GRIN3A: variants seen among roughly 807,000 people sequenced by gnomAD.
The protein encoded by GRIN3A is glutamate receptor ionotropic, NMDA 3A.
In GRIN3A, 47 loss-of-function variants were observed where a neutral mutation model predicts 92.4. The ratio of observed to expected loss-of-function variants is 0.51; its 90% CI spans 0.40 to 0.65. The LOEUF (loss-of-function observed/expected upper bound fraction) is 0.65, where lower values mean the gene tolerates loss of function less well. Among genes scored for constraint, GRIN3A ranks in the 30% least tolerant of loss-of-function variants. GRIN3A has a pLI of 0.00. For missense variants in GRIN3A, 1,324 were observed against 1,393.1 expected (o/e 0.95, Z 0.79); for synonymous variants, 527 against 540.6 (o/e 0.97, Z 0.35).
chr9:101,677,610 C>T (rs936875985), intron 2 of GRIN3A, among the ~76,000 whole-genome samples: 22 of 152,058 alleles, frequency 1.4e-4, no homozygotes, highest in Non-Finnish European at 1.9e-4. Context: ...CCTTTTCTTA[C>T]GGCCCTAGGG....
chr9:101,602,872 A>G (rs1304053308), intron 6 of GRIN3A: 1 of 152,212 alleles, frequency 6.6e-6, no homozygotes, highest in Non-Finnish European at 1.5e-5. Flanking sequence ...AAACAAGACC[A>G]GAGAATTGTA....
chr9:101,694,508 T>C (rs958988081), intron 1 of GRIN3A, among the ~76,000 whole-genome samples: 2 of 152,042 alleles, frequency 1.3e-5, no homozygotes, highest in Admixed American at 6.6e-5. Context: ...TAATTATTGA[T>C]ACCCAACTCA....
intron 3 of GRIN3A, among the ~76,000 whole-genome samples, chr9:101,633,813 G>A (rs1049674851): frequency 6.6e-6 from 1 of 152,060 alleles, no homozygotes; most frequent in Non-Finnish European, 1.5e-5. Context: ...GGGGACTGCT[G>A]CTTTATAGCA....
intron 1 of GRIN3A, among the ~76,000 whole-genome samples, chr9:101,706,058 C>T: frequency 6.6e-6 from 1 of 151,790 alleles, no homozygotes; most frequent in East Asian, 1.9e-4. Context: ...GTTCCATGGA[C>T]CTAAAGTAAG....
chr9:101,732,224 T>C (rs750725033), intron 1 of GRIN3A, among the ~76,000 whole-genome samples: 2 of 152,216 alleles, frequency 1.3e-5, no homozygotes, highest in Non-Finnish European at 2.9e-5. Context: ...AACACACTGC[T>C]TTCCTTATCA....
At chr9:101,669,982 G>A in intron 3 of GRIN3A, 78 bp downstream of exon 3, 3 of 1,090,136 alleles carry the variant, frequency 2.8e-6, no homozygotes, top group Non-Finnish European at 2.8e-6. Context: ...GGAAGAACAT[G>A]AGCATACTAC....
intron 4 of GRIN3A, among the ~76,000 whole-genome samples, chr9:101,627,722 T>G (rs1828653324): frequency 6.6e-6 from 1 of 152,246 alleles, no homozygotes; most frequent in African/African-American, 2.4e-5. Flanking sequence ...TGATTTCTCA[T>G]GATTGCTTCT....
chr9:101,648,151 A>C (rs188951233), intron 3 of GRIN3A, among the ~76,000 whole-genome samples: 122 of 151,798 alleles, frequency 8.0e-4, no homozygotes, highest in African/African-American at 2.7e-3. Context: ...ATAGCTTTTG[A>C]TGTGTTGTGT....
At chr9:101,645,319 G>A (rs531221745) in intron 3 of GRIN3A, among the ~76,000 whole-genome samples, 38 of 151,598 alleles carry the variant, frequency 2.5e-4, no homozygotes, top group Admixed American at 1.9e-3. Context: ...GTTTTGCTGC[G>A]AATGACAAGT....
intron 1 of GRIN3A, among the ~76,000 whole-genome samples, chr9:101,691,551 A>C (rs961856164): frequency 1.3e-5 from 2 of 152,238 alleles, no homozygotes; most frequent in Non-Finnish European, 2.9e-5. Context: ...ATAATGATTT[A>C]TAAAAGTAAA....
At chr9:101,586,070 G>C (rs557417522) in intron 6 of GRIN3A, among the ~76,000 whole-genome samples, 1 of 152,172 alleles carries the variant, frequency 6.6e-6, no homozygotes, top group East Asian at 1.9e-4. Flanking sequence ...AATCAATATT[G>C]CTCCTTCCCT....
At chr9:101,595,137 C>A (rs1199852131) in intron 6 of GRIN3A, 2 of 551,604 alleles carry the variant, frequency 3.6e-6, no homozygotes, top group Non-Finnish European at 6.4e-6. Context: ...GAAAAGGGGG[C>A]GGAAGGGGAG....
At chr9:101,690,287 T>C (rs1267688742) in intron 1 of GRIN3A, among the ~76,000 whole-genome samples, 1 of 152,216 alleles carries the variant, frequency 6.6e-6, no homozygotes, top group Non-Finnish European at 1.5e-5. Context: ...AAATAGGTAA[T>C]TTAAAAGATT....
intron 3 of GRIN3A, among the ~76,000 whole-genome samples, chr9:101,631,162 T>C (rs1021362513): frequency 1.2e-4 from 19 of 152,334 alleles, no homozygotes; most frequent in African/African-American, 4.3e-4. Flanking sequence ...GGAAGCTCCA[T>C]GTAAACAAGA....
intron 3 of GRIN3A, among the ~76,000 whole-genome samples, chr9:101,659,948 T>C (rs1264064128): frequency 6.6e-6 from 1 of 151,916 alleles, no homozygotes; most frequent in Non-Finnish European, 1.5e-5. Flanking sequence ...TTTTGACTTA[T>C]CAATCTGAAC....
At chr9:101,641,523 C>T (rs538779000) in intron 3 of GRIN3A, among the ~76,000 whole-genome samples, 44 of 151,854 alleles carry the variant, frequency 2.9e-4, no homozygotes, top group Non-Finnish European at 1.8e-4. Context: ...AGCAAACTAT[C>T]GCAAGAACAA....
At chr9:101,666,772 T>C (rs918358490) in intron 3 of GRIN3A, among the ~76,000 whole-genome samples, 2 of 152,092 alleles carry the variant, frequency 1.3e-5, no homozygotes, top group Non-Finnish European at 2.9e-5. Flanking sequence ...GCTCTGAAGG[T>C]GTGACTCTTT....
chr9:101,579,168 A>G, intron 7 of GRIN3A, 28 bp downstream of exon 7: 1 of 1,611,606 alleles, frequency 6.2e-7, no homozygotes, highest in Non-Finnish European at 8.5e-7. Flanking sequence ...GTTTAAGAAT[A>G]TTGGAGCAAG....
At chr9:101,716,072 T>C (rs1335946384) in intron 1 of GRIN3A, among the ~76,000 whole-genome samples, 2 of 152,204 alleles carry the variant, frequency 1.3e-5, no homozygotes, top group African/African-American at 2.4e-5. Flanking sequence ...TCCATTTATT[T>C]AGCAACTTTT....
Sources: gnomAD v4.1 joint callset for allele counts (sites outside exome capture counted in the v4.1 genomes callset) on GRCh38, gnomAD v4.1.1 for gene constraint, MANE v1.5 for transcripts, NCBI Gene and HGNC (gene_info 2026-07-23, HGNC 2026-07-21) for gene names.